ARL2: variants seen among roughly 807,000 people sequenced by gnomAD.
ARL2 encodes ARF like GTPase 2.
In ARL2, 11 loss-of-function variants were observed where a neutral mutation model predicts 22.0. The observed-to-expected ratio is 0.50, with a 90% CI of 0.31 to 0.83. ARL2 has a LOEUF of 0.83. Among genes scored for constraint, ARL2 ranks in the 40% least tolerant of loss-of-function variants. The pLI is 0.04. For missense variants in ARL2, 216 were observed against 243.2 expected (o/e 0.89, Z 0.74); for synonymous variants, 111 against 100.8 (o/e 1.10, Z -0.61).
chr11:65,019,678 T>C (rs543056339), intron 3 of ARL2: 8 of 152,832 alleles, frequency 5.2e-5, no homozygotes, highest in Middle Eastern at 3.4e-3. Flanking sequence ...ATTACTATTA[T>C]CTTAATTACA....
Position 65,018,355 on chromosome 11 carries a change from G to A in ARL2, c.66-9G>A. ...AACAGGGACTTCTCCTTAACCTGCT[G>A]CGCCCCAGTGGCCTGGACAATGCTG... On this transcript the variant is annotated splice_polypyrimidine_tract_variant and intron_variant, in intron 1 of 4. Transcript: ENST00000246747. The surrounding 1 kb of genome is among the most constrained non-coding windows in gnomAD (Gnocchi z 4.2). 1 of 1,590,334 alleles carries A rather than the reference G, an allele frequency of 6.3e-7. No homozygotes were observed.
In ARL2 at chr11:65,014,286, C is replaced by G. The variant is rs748146970; in HGVS notation, c.65+14C>G. On this transcript the variant is annotated intron_variant, in intron 1 of 4. Coordinates refer to ENST00000246747, the MANE Select transcript of ARL2 (RefSeq NM_001667.4). ...ACTGCTCATGCTGTATCCTACCGGA[C>G]GCCGGAACCGCGAGGGTGGCGGGGT... 5.3e-5 allele frequency: 81 copies of G among 1,538,688 alleles called. No individual in the cohort carries two copies. The highest frequency in any genetic ancestry group is 6.7e-5 in the Non-Finnish European group (77 of 1,148,240).
intron 1 of ARL2, among the ~76,000 whole-genome samples, chr11:65,014,665 C>G (rs1251558331): frequency 6.6e-6 from 1 of 152,238 alleles, no homozygotes; most frequent in Admixed American, 6.5e-5. Flanking sequence ...AGCTCCGAAT[C>G]CCGGGGGCGT....
At chr11:65,015,577 C>T (rs1056501708) in intron 1 of ARL2, among the ~76,000 whole-genome samples, 2 of 150,836 alleles carry the variant, frequency 1.3e-5, no homozygotes, top group Non-Finnish European at 3.0e-5. Context: ...GTGTGTGTGG[C>T]GGGGGGGTTG....
chr11:65,014,847 C>G (rs111704470), intron 1 of ARL2, among the ~76,000 whole-genome samples: 2 of 152,354 alleles, frequency 1.3e-5, no homozygotes, highest in East Asian at 1.9e-4. Flanking sequence ...GTTAGGCGCC[C>G]GCACCTGTTC....
At chr11:65,017,734 C>G (rs1049706257) in intron 1 of ARL2, among the ~76,000 whole-genome samples, 1 of 152,210 alleles carries the variant, frequency 6.6e-6, no homozygotes, top group Admixed American at 6.5e-5. Flanking sequence ...CCGCCCACCC[C>G]ACCATGCCCA....
chr11:65,015,051 T>C (rs911666331), intron 1 of ARL2, among the ~76,000 whole-genome samples: 1 of 152,236 alleles, frequency 6.6e-6, no homozygotes, highest in East Asian at 1.9e-4. Flanking sequence ...GTGATCCTCC[T>C]GCCTCAGCCT....
chr11:65,020,248 C>T (rs1422966005), intron 3 of ARL2, among the ~76,000 whole-genome samples, 171 bp from the exon 4 acceptor site: 2 of 152,170 alleles, frequency 1.3e-5, no homozygotes, highest in East Asian at 3.9e-4. Context: ...TTCATGTGGG[C>T]CAGCCTTGAT....
intron 4 of ARL2, chr11:65,021,450 G>C (rs1645768876): frequency 2.5e-6 from 1 of 406,124 alleles, no homozygotes. Context: ...GGGGCTCCTA[G>C]CACGATGCCC....
In ARL2 at chr11:65,018,455, A is replaced by C. The variant is rs1946285318; in HGVS notation, c.157A>C (p.Lys53Gln). ...CTCCCCAACGCTGGGCTTCAACATC[A>C]AGACCCTGGAGCACCGAGGGTGAGC... ...TISPTLGFNI[K>Q]TLEHRGFKLN... The change falls in exon 2 of 5, where the codon AAG (lysine) becomes CAG (glutamine). Residue 53 changes from lysine (K) to glutamine (Q), a missense_variant. Transcript: ENST00000246747. This position sits in a 1 kb window ranked among gnomAD's most constrained non-coding sequence, Gnocchi z 4.2. The C allele has an allele frequency of 6.2e-7, 1 of 1,608,352 alleles. No individual in the cohort carries two copies. Among genetic ancestry groups the C allele is most frequent in the Non-Finnish European group, 8.5e-7 (1 of 1,177,648 alleles).
intron 1 of ARL2, among the ~76,000 whole-genome samples, chr11:65,016,760 T>C (rs969278722): frequency 2.6e-5 from 4 of 151,818 alleles, no homozygotes; most frequent in Non-Finnish European, 2.9e-5. Context: ...TTGGGTGTTA[T>C]CAGGATAGAG....
chr11:65,018,646 C>A lies in ARL2; in HGVS notation c.252C>A (p.Thr84=). The change falls in exon 3 of 5, where the codon ACC becomes ACA. Residue 84 remains threonine, a synonymous_variant. Coordinates refer to ENST00000246747, the MANE Select transcript of ARL2 (RefSeq NM_001667.4). The surrounding 1 kb of genome is among the most constrained non-coding windows in gnomAD (Gnocchi z 4.2). ...RSYWRNYFES[T]DGLIWVVDSA... is the part of the protein sequence containing the mutation. ...ACTGGCGGAACTACTTTGAGAGCAC[C>A]GATGGCCTCATCTGGGTAGTGGACA... is the stretch of plus-strand genomic sequence containing the variant. 6.2e-7 allele frequency: 1 copy of A among 1,614,116 alleles called. No homozygotes were observed. The highest frequency in any genetic ancestry group is 8.5e-7 in the Non-Finnish European group (1 of 1,180,012).
Position 65,018,398 on chromosome 11 carries a change from A to T in ARL2, c.100A>T (p.Lys34Ter). Residue 34 changes from lysine to a stop codon, truncating the protein, a stop_gained, in exon 2 of 5, where the codon AAG becomes TAG. Transcript: ENST00000246747. LOFTEE classifies it high-confidence loss of function. The surrounding 1 kb of genome is among the most constrained non-coding windows in gnomAD (Gnocchi z 4.2). ...LDNAGKTTILKKFNGEDIDTI... is the reference protein window; with the variant it reads ...LDNAGKTTIL The stretch of plus-strand genomic sequence containing the variant: ...CAATGCTGGAAAGACAACCATCCTG[A>T]AGAAGTTCAATGGGGAGGACATCGA... The T allele has an allele frequency of 6.2e-7, 1 of 1,608,774 alleles. No individual in the cohort carries two copies. Among genetic ancestry groups the T allele is most frequent in the Non-Finnish European group, 8.5e-7 (1 of 1,178,044 alleles).
chr11:65,017,628 C>G (rs34198879), intron 1 of ARL2, among the ~76,000 whole-genome samples: 3 of 152,120 alleles, frequency 2.0e-5, no homozygotes, highest in Admixed American at 2.0e-4. Flanking sequence ...GGGGCTAAGG[C>G]TGGGCCTCAG....
chr11:65,017,872 A>G (rs1946277182), intron 1 of ARL2, among the ~76,000 whole-genome samples: 1 of 152,170 alleles, frequency 6.6e-6, no homozygotes, highest in African/African-American at 2.4e-5. Flanking sequence ...CTGCCTCCAG[A>G]TATTTGTTCT....
chr11:65,017,507 T>C (rs1036868137), intron 1 of ARL2, among the ~76,000 whole-genome samples: 5 of 151,880 alleles, frequency 3.3e-5, no homozygotes, highest in African/African-American at 1.2e-4. Flanking sequence ...ATTTGCTCTT[T>C]TTAAGGTGGG....
At chr11:65,015,060 C>T (rs1180352858) in intron 1 of ARL2, among the ~76,000 whole-genome samples, 2 of 152,220 alleles carry the variant, frequency 1.3e-5, no homozygotes, top group African/African-American at 4.8e-5. Context: ...CTGCCTCAGC[C>T]TCCCAAAACT....
intron 4 of ARL2, chr11:65,021,367 C>T (rs1335703304): frequency 9.0e-6 from 2 of 221,910 alleles, no homozygotes; most frequent in African/African-American, 2.3e-5. Flanking sequence ...ACTTTGGTTT[C>T]CTCCTTGGTG....
At chr11:65,020,380 C>T (rs1946312981) in intron 3 of ARL2, 39 bp from the exon 4 acceptor site, 1 of 1,541,668 alleles carries the variant, frequency 6.5e-7, no homozygotes, top group Non-Finnish European at 8.9e-7. Context: ...AGGCTGTCCT[C>T]TGAGTCCCCA....
Sources: allele counts gnomAD v4.1 joint callset (sites outside exome capture counted in the v4.1 genomes callset), GRCh38; gene constraint gnomAD v4.1.1; non-coding constraint Gnocchi (gnomAD v3.1); transcripts MANE v1.5; gene names NCBI Gene and HGNC (gene_info 2026-07-23, HGNC 2026-07-21).